The following YJU2 variants were observed in gnomAD, a reference collection of about 807,000 sequenced individuals.
The protein encoded by YJU2 is splicing factor YJU2.
A neutral mutation model predicts 39.6 loss-of-function variants in YJU2; 28 were observed. The ratio of observed to expected loss-of-function variants is 0.71; its 90% CI spans 0.52 to 0.97. The LOEUF is 0.97. Among genes scored for constraint, YJU2 ranks in the 50% least tolerant of loss-of-function variants. YJU2 has a pLI of 0.00. For synonymous variants in YJU2, 184 were observed against 182.4 expected, an observed-to-expected ratio of 1.01 and a Z score of -0.07; for missense variants, 328 against 430.4, an observed-to-expected ratio of 0.76 and a Z score of 2.11.
chr19:4,250,778 C>A (rs1345718244), intron 2 of YJU2, among the ~76,000 whole-genome samples: 1 of 152,040 alleles, frequency 6.6e-6, no homozygotes, highest in African/African-American at 2.4e-5. Context: ...GACAGGCAGG[C>A]CTCACCTACT....
In YJU2 at chr19:4,268,736, C is replaced by A; in HGVS notation, c.*40C>A. On this transcript the variant is annotated 3_prime_UTR_variant, in exon 8 of 8. Coordinates refer to ENST00000262962, the MANE Select transcript of YJU2 (RefSeq NM_018074.6). ...CCCTCACGGGGTCAAAGTCACACGT[C>A]CAGCTTCAGCCACATTGAGGCCAGC... The A allele has an allele frequency of 7.1e-7, 1 of 1,405,770 alleles. No homozygotes were observed. The highest frequency in any genetic ancestry group is 1.0e-6 in the Non-Finnish European group (1 of 1,004,462). 87.1% of individuals were successfully genotyped at this position (1,405,770 alleles called of 1,614,324 possible). A position where few individuals can be genotyped will look rare whatever the true frequency, so the allele number is the denominator to read the frequency against.
intron 5 of YJU2, among the ~76,000 whole-genome samples, chr19:4,258,875 C>T (rs1312612644): frequency 6.6e-6 from 1 of 152,012 alleles, no homozygotes; most frequent in South Asian, 2.1e-4. Flanking sequence ...TCACCCATGC[C>T]GGGATTCCAG....
At chr19:4,261,899 T>C (rs77780355) in intron 5 of YJU2, 95 bp from the exon 6 acceptor site, 14,875 of 1,351,748 alleles carry the variant, frequency 0.011, 326 homozygotes, top group East Asian at 0.085. Flanking sequence ...GGAAGAGGTC[T>C]CCAGGCACCC....
In YJU2 at chr19:4,262,184, G is replaced by C. The variant is rs548468104; in HGVS notation, c.708+70G>C. The C allele has an allele frequency of 4.7e-6, 7 of 1,491,982 alleles. No homozygotes were observed. In the Admixed American group the frequency reaches 6.4e-5, roughly 14 times the overall value. 92.4% of individuals were successfully genotyped at this position (1,491,982 alleles called of 1,614,324 possible). A position where few individuals can be genotyped will look rare whatever the true frequency, so the allele number is the denominator to read the frequency against. ...GACAACTGAAGCCAGGGGTCAGCTT[G>C]ACTTTTTCTTTTGTTTTTTGTTTTT... On this transcript the variant is annotated intron_variant, in intron 6 of 7. Transcript: ENST00000262962.
At chr19:4,257,848 C>G (rs537426766) in intron 4 of YJU2, among the ~76,000 whole-genome samples, 4 of 152,148 alleles carry the variant, frequency 2.6e-5, no homozygotes, top group Admixed American at 2.6e-4. Flanking sequence ...GGTGATCCGC[C>G]CGCTCCGGCC....
chr19:4,248,404 AGT>A (rs1970948813), intron 1 of YJU2, among the ~76,000 whole-genome samples: 1 of 152,196 alleles, frequency 6.6e-6, no homozygotes, highest in African/African-American at 2.4e-5. Flanking sequence ...GACAGAGGAC[AGT>A]GTGCGCATTT....
At chr19:4,264,974 C>T (rs1036572012) in intron 6 of YJU2, among the ~76,000 whole-genome samples, 1 of 152,110 alleles carries the variant, frequency 6.6e-6, no homozygotes, top group African/African-American at 2.4e-5. Context: ...GATTAGAGTT[C>T]TCACACTGTG....
At chr19:4,266,155 G>A (rs536790861) in intron 6 of YJU2, among the ~76,000 whole-genome samples, 14 of 152,022 alleles carry the variant, frequency 9.2e-5, no homozygotes, top group South Asian at 8.3e-4. Context: ...GGCTTTCACC[G>A]TGTTAGCCAG....
At chr19:4,267,596 C>T (rs1450569783) in intron 6 of YJU2, 28 bp from the exon 7 acceptor site, 3 of 1,606,706 alleles carry the variant, frequency 1.9e-6, no homozygotes, top group Admixed American at 1.7e-5. Context: ...CCGGGCCAGA[C>T]CCCCACATGT....
At chr19:4,254,253 C>T in intron 3 of YJU2, 102 bp from the exon 4 acceptor site, 1 of 834,838 alleles carries the variant, frequency 1.2e-6, no homozygotes. Context: ...GTAGTAGAAC[C>T]AGTAAAAATC....
chr19:4,258,241 G>A lies in YJU2; in HGVS notation c.406-1G>A. 6.4e-7 allele frequency: 1 copy of A among 1,551,878 alleles called. No homozygotes were observed. Among genetic ancestry groups the A allele is most frequent in the Non-Finnish European group, 8.7e-7 (1 of 1,147,210 alleles). ...CAGCCCCGCCGCCCCGCGCCCGCCA[G>A]GTGCTGGAGAACCGGACCAAGGACT... On this transcript the variant is annotated splice_acceptor_variant, in intron 4 of 7. Transcript: ENST00000262962. LOFTEE classifies it high-confidence loss of function.
Position 4,268,964 on chromosome 19 carries a change from G to A in YJU2, c.*268G>A. 2.1e-6 allele frequency: 1 copy of A among 471,008 alleles called. No individual in the cohort carries two copies. The highest frequency in any genetic ancestry group is 3.9e-6 in the Non-Finnish European group (1 of 257,770). The allele number at this position is 471,008 out of a possible 1,614,324, so 29.2% of individuals were successfully genotyped here. The stretch of plus-strand genomic sequence containing the variant: ...TGTGCTTAGGGCTGCAACATCCCTG[G>A]AGCAGCTTCCAACACTACTTCAGGG... On this transcript the variant is annotated 3_prime_UTR_variant, in exon 8 of 8. Transcript: ENST00000262962.
At chr19:4,247,580 C>CGTGTGT (rs202183584) in intron 1 of YJU2, among the ~76,000 whole-genome samples, 2 of 46,242 alleles carry the variant, frequency 4.3e-5, no homozygotes, top group African/African-American at 1.3e-4. Context: ...GGTGGGGTGG[C>CGTGTGT]GCGTGTGTGT....
intron 3 of YJU2, 125 bp from the exon 4 acceptor site, chr19:4,254,230 A>G (rs555575061): frequency 6.5e-6 from 5 of 766,080 alleles, no homozygotes; most frequent in East Asian, 2.5e-5. Flanking sequence ...CAATAAGACA[A>G]GAAAAAGAGA....
At chr19:4,259,830 G>A (rs956588632) in intron 5 of YJU2, among the ~76,000 whole-genome samples, 5 of 152,130 alleles carry the variant, frequency 3.3e-5, no homozygotes, top group African/African-American at 1.2e-4. Flanking sequence ...CAGCAGGTAG[G>A]TTCTGGTAGG....
rs776181667 is a variant in YJU2, at chr19:4,268,618, A to G, written c.894A>G (p.Thr298=). ...AGAACAGGAAGGAGGCCAACCCTAC[A>G]CCCCTGACGCCTGGCGCGTCCTCCC... ...APQNRKEANP[T]PLTPGASSLS... is the part of the protein sequence containing the mutation. Residue 298 remains threonine (T), a synonymous_variant, in exon 8 of 8, where the codon ACA becomes ACG. Coordinates refer to ENST00000262962, the MANE Select transcript of YJU2 (RefSeq NM_018074.6). 4.3e-6 allele frequency: 7 copies of G among 1,613,406 alleles called. No individual in the cohort carries two copies. The South Asian group carries it at 7.7e-5, about 18-fold the overall frequency.
In YJU2 at chr19:4,268,613, C is replaced by T. The variant is rs768397522; in HGVS notation, c.889C>T (p.Pro297Ser). 5 of 1,613,364 alleles carry T rather than the reference C, an allele frequency of 3.1e-6. No homozygotes were observed. In the South Asian group the frequency reaches 4.4e-5, roughly 14 times the overall value. The change falls in exon 8 of 8, where the codon CCT becomes TCT. Residue 297 changes from proline (P) to serine (S), a missense_variant. Physicochemically the swap from Pro to Ser is moderately conservative, Grantham distance 74 (BLOSUM62 -1). Around this residue, in one of 2 missense-constraint regions of YJU2, gnomAD observed 244 missense variants for 264.6 expected, o/e 0.92. Coordinates refer to ENST00000262962, the MANE Select transcript of YJU2 (RefSeq NM_018074.6). ...CCCGCAGAACAGGAAGGAGGCCAAC[C>T]CTACACCCCTGACGCCTGGCGCGTC... ...GAPQNRKEAN[P>S]TPLTPGASSL...
intron 4 of YJU2, among the ~76,000 whole-genome samples, chr19:4,255,459 G>A (rs56075200): frequency 0.37 from 56,164 of 151,576 alleles, 11,297 homozygotes; most frequent in African/African-American, 0.53. Context: ...GCCAGGCGTG[G>A]TGGCTCACAC....
At chr19:4,268,525 C>T in intron 7 of YJU2, 59 bp from the exon 8 acceptor site, 5 of 1,294,288 alleles carry the variant, frequency 3.9e-6, no homozygotes, top group Non-Finnish European at 5.5e-6. Flanking sequence ...GGCCCCGTGC[C>T]TTGTCCCTGG....
Sources: gnomAD v4.1 joint callset for allele counts (sites outside exome capture counted in the v4.1 genomes callset) on GRCh38, gnomAD v4.1.1 for gene constraint, gnomAD v4.1.1 regional missense constraint, MANE v1.5 for transcripts, NCBI Gene and HGNC (gene_info 2026-07-23, HGNC 2026-07-21) for gene names.